The following TDRD3 variants were observed in gnomAD, a reference collection of about 807,000 sequenced individuals.
TDRD3 encodes tudor domain containing 3, also known as tudor domain-containing protein 3.
A neutral mutation model predicts 86.7 loss-of-function variants in TDRD3; 45 were observed. The observed-to-expected ratio is 0.52, with a 90% CI of 0.41 to 0.67. TDRD3 has a LOEUF of 0.67. TDRD3 is among the 30% of genes least tolerant of loss of function. The probability of loss-of-function intolerance (pLI) is 0.00; values close to 1 mark genes in which losing one functional copy is unlikely to be tolerated. For synonymous variants in TDRD3, 298 were observed against 301.7 expected (o/e 0.99, Z 0.13); for missense variants, 814 against 889.0 (o/e 0.92, Z 1.07).
Position 60,528,405 on chromosome 13 carries a change from T to C in TDRD3, c.1180T>C (p.Tyr394His). ...GCCACAGCAGCTTCATCAGGGACAA[T>C]ACAGATCATCAAATACTGAGCAAAA... ...SQPQQLHQGQ[Y>H]RSSNTEQNGV... The change falls in exon 11 of 14, where the codon TAC (tyrosine) becomes CAC (histidine). Residue 394 changes from tyrosine (Y) to histidine (H), a missense_variant. Transcript: ENST00000377881. 1 of 1,613,672 alleles carries C rather than the reference T, an allele frequency of 6.2e-7. No homozygotes were observed. Among genetic ancestry groups the C allele is most frequent in the Non-Finnish European group, 8.5e-7 (1 of 1,179,826 alleles).
At chr13:60,534,552 C>CT (rs1185713274) in intron 11 of TDRD3, among the ~76,000 whole-genome samples, 2 of 147,566 alleles carry the variant, frequency 1.4e-5, no homozygotes, top group Non-Finnish European at 3.0e-5. Flanking sequence ...ACTGAGCAGC[C>CT]TTTTTTGCAA....
At chr13:60,489,942 C>T (rs1215788329) in intron 7 of TDRD3, among the ~76,000 whole-genome samples, 1 of 151,790 alleles carries the variant, frequency 6.6e-6, no homozygotes, top group Non-Finnish European at 1.5e-5. Context: ...GATGCAGTTA[C>T]AGCTGTCTAT....
chr13:60,557,413 A>G (rs190919319), intron 12 of TDRD3, among the ~76,000 whole-genome samples: 94 of 152,252 alleles, frequency 6.2e-4, no homozygotes, highest in Non-Finnish European at 1.2e-3. Flanking sequence ...CTGCTGGAGT[A>G]CCTCACATTT....
At chr13:60,437,121 CTT>C (rs528500199) in intron 1 of TDRD3, among the ~76,000 whole-genome samples, 16 of 73,780 alleles carry the variant, frequency 2.2e-4, no homozygotes, top group African/African-American at 8.0e-4. Context: ...ATAAATTAAA[CTT>C]TTTTTTTTTT....
At chr13:60,511,620 T>C (rs548961279) in intron 10 of TDRD3, among the ~76,000 whole-genome samples, 8 of 152,196 alleles carry the variant, frequency 5.3e-5, no homozygotes, top group Non-Finnish European at 1.0e-4. Flanking sequence ...CACAGCTTCA[T>C]TGGGGCCTCT....
chr13:60,508,222 C>A (rs946733214), intron 8 of TDRD3, among the ~76,000 whole-genome samples: 2 of 152,042 alleles, frequency 1.3e-5, no homozygotes, highest in East Asian at 3.9e-4. Context: ...CAGTGCTATC[C>A]CCATCAAGCT....
intron 1 of TDRD3, among the ~76,000 whole-genome samples, chr13:60,426,428 C>T (rs563003474): frequency 6.6e-6 from 1 of 152,216 alleles, no homozygotes; most frequent in Non-Finnish European, 1.5e-5. Context: ...GCCCTTGTCA[C>T]ACACAAAAAG....
intron 12 of TDRD3, among the ~76,000 whole-genome samples, chr13:60,551,319 CATA>C (rs1267929006): frequency 1.3e-5 from 2 of 152,140 alleles, no homozygotes; most frequent in African/African-American, 4.8e-5. Context: ...TTGTGAGGAA[CATA>C]ATAATTATTC....
In TDRD3 at chr13:60,528,786, C is replaced by T. The variant is rs747326393; in HGVS notation, c.1561C>T (p.Leu521Phe). ...PSFAEAKENP[L>F]PQGSVDYNNQ... ...CTTTGCAGAGGCAAAAGAAAATCCACTTCCTCAAGGATCTGTAGATTATAA... is the reference window on the plus strand; with the variant it reads ...CTTTGCAGAGGCAAAAGAAAATCCATTTCCTCAAGGATCTGTAGATTATAA... Residue 521 changes from leucine (L) to phenylalanine (F), a missense_variant, in exon 11 of 14, where the codon CTT becomes TTT. Transcript: ENST00000377881. 6.2e-7 allele frequency: 1 copy of T among 1,613,876 alleles called. No individual in the cohort carries two copies. Among genetic ancestry groups the T allele is most frequent in the Non-Finnish European group, 8.5e-7 (1 of 1,179,916 alleles).
chr13:60,556,513 T>C (rs1321611480), intron 12 of TDRD3, among the ~76,000 whole-genome samples: 1 of 152,224 alleles, frequency 6.6e-6, no homozygotes, highest in Non-Finnish European at 1.5e-5. Context: ...TCTACAAATT[T>C]AGAATAAAAT....
chr13:60,546,699 G>C (rs1957947626), intron 12 of TDRD3, among the ~76,000 whole-genome samples: 1 of 152,104 alleles, frequency 6.6e-6, no homozygotes, highest in African/African-American at 2.4e-5. Context: ...TTGGTGTCTT[G>C]ATTCTTAGGC....
chr13:60,556,508 A>C (rs2137929060), intron 12 of TDRD3, among the ~76,000 whole-genome samples: 1 of 152,370 alleles, frequency 6.6e-6, no homozygotes, highest in South Asian at 2.1e-4. Context: ...AATTCTCTAC[A>C]AATTTAGAAT....
At position 60,397,323 on chromosome 13, in the gene TDRD3, C is replaced by T. The variant is rs1953945564; in HGVS notation, c.-42C>T. 1.6e-6 allele frequency: 2 copies of T among 1,263,898 alleles called. No homozygotes were observed. The highest frequency in any genetic ancestry group is 1.1e-6 in the Non-Finnish European group (1 of 945,870). The allele number at this position is 1,263,898 out of a possible 1,614,324, so 78.3% of individuals were successfully genotyped here. ...CTCAAGTAGGAGGCCTCCCCATCACCCCCACCCCAGCCCCCCACCACCCCC... is the reference window on the plus strand; with the variant it reads ...CTCAAGTAGGAGGCCTCCCCATCACTCCCACCCCAGCCCCCCACCACCCCC... On this transcript the variant is annotated 5_prime_UTR_variant, in exon 1 of 14. Transcript: ENST00000377881.
intron 7 of TDRD3, among the ~76,000 whole-genome samples, chr13:60,492,789 T>C (rs924942205): frequency 8.5e-5 from 13 of 152,226 alleles, no homozygotes; most frequent in Non-Finnish European, 1.3e-4. Context: ...ATGTAAATAC[T>C]GTAGTTTATC....
intron 5 of TDRD3, among the ~76,000 whole-genome samples, chr13:60,478,329 T>C (rs1469353177): frequency 7.7e-6 from 1 of 130,064 alleles, no homozygotes; most frequent in Non-Finnish European, 1.6e-5. Flanking sequence ...TGAGACAGAG[T>C]CTCACTGTGT....
intron 3 of TDRD3, among the ~76,000 whole-genome samples, chr13:60,458,412 C>G (rs1214992609): frequency 6.6e-6 from 1 of 152,206 alleles, no homozygotes; most frequent in Non-Finnish European, 1.5e-5. Flanking sequence ...GGTGTCATGT[C>G]AACACCCAGG....
chr13:60,551,968 CAT>C lies in TDRD3; in HGVS notation c.2119-15556_2119-15555del, dbSNP rs546424381. Among the ~76,000 whole-genome samples the C allele has an allele frequency of 2.1e-3, 323 of 152,306 alleles. 3 individuals are homozygous for C. Among genetic ancestry groups the C allele is most frequent in the African/African-American group, 7.3e-3 (302 of 41,568 alleles). Reference sequence around the variant, plus strand: ...ATGTCCCGCCAGGTCTCTCCCTCGACATGTGGGGATTACGATTTGAGATGAGA... The same window carrying C: ...ATGTCCCGCCAGGTCTCTCCCTCGACGTGGGGATTACGATTTGAGATGAGA... On this transcript the variant is annotated intron_variant, in intron 12 of 13. Transcript: ENST00000377881.
At chr13:60,527,865 C>T (rs958907456) in intron 10 of TDRD3, among the ~76,000 whole-genome samples, 5 of 152,006 alleles carry the variant, frequency 3.3e-5, no homozygotes, top group South Asian at 2.1e-4. Flanking sequence ...CTGTTTGTAA[C>T]GTAAACACTT....
At chr13:60,507,156 A>G (rs887397928) in intron 8 of TDRD3, among the ~76,000 whole-genome samples, 1 of 152,216 alleles carries the variant, frequency 6.6e-6, no homozygotes, top group Admixed American at 6.5e-5. Context: ...TAACTATCCC[A>G]AATATATATG....
Sources: gnomAD v4.1 joint callset for allele counts (sites outside exome capture counted in the v4.1 genomes callset) on GRCh38, gnomAD v4.1.1 for gene constraint, MANE v1.5 for transcripts, NCBI Gene and HGNC (gene_info 2026-07-23, HGNC 2026-07-21) for gene names.